Variants in SH2D4B observed in about 807,000 individuals in gnomAD.
SH2D4B encodes the protein SH2 domain containing 4B, also known as SH2 domain-containing protein 4B.
A neutral mutation model predicts 61.5 loss-of-function variants in SH2D4B; 45 were observed. That is an observed-to-expected ratio of 0.73 (90% CI 0.58 to 0.94). The LOEUF is 0.94. Among genes scored for constraint, SH2D4B ranks in the 40% least tolerant of loss-of-function variants. SH2D4B has a pLI of 0.00. For synonymous variants in SH2D4B, 224 were observed against 220.4 expected (o/e 1.02, Z -0.14); for missense variants, 572 against 574.2 (o/e 1.00, Z 0.04).
At chr10:80,622,660 G>C (rs1842728360) in intron 6 of SH2D4B, among the ~76,000 whole-genome samples, 1 of 152,190 alleles carries the variant, frequency 6.6e-6, no homozygotes, top group African/African-American at 2.4e-5. Context: ...CACTCACCCA[G>C]GGTTGGGGAG....
intron 4 of SH2D4B, among the ~76,000 whole-genome samples, chr10:80,595,343 G>A (rs11186207): frequency 0.12 from 18,047 of 152,192 alleles, 1,230 homozygotes; most frequent in East Asian, 0.25. Flanking sequence ...CTTGAAAACT[G>A]GGCTGTCTTT....
chr10:80,635,994 T>C (rs1029217088), intron 7 of SH2D4B, among the ~76,000 whole-genome samples: 1 of 152,198 alleles, frequency 6.6e-6, no homozygotes, highest in Non-Finnish European at 1.5e-5. Flanking sequence ...TTCCCTGCCC[T>C]GTGTCCAAGT....
chr10:80,624,346 T>C (rs1842749149), intron 6 of SH2D4B, among the ~76,000 whole-genome samples: 1 of 151,610 alleles, frequency 6.6e-6, no homozygotes, highest in Admixed American at 6.5e-5. Flanking sequence ...GCTCCTCCAG[T>C]TCTTCTCTGC....
At chr10:80,592,821 A>G (rs1321766541) in intron 4 of SH2D4B, among the ~76,000 whole-genome samples, 2 of 147,402 alleles carry the variant, frequency 1.4e-5, no homozygotes, top group Non-Finnish European at 3.0e-5. Context: ...TCAAATGTCT[A>G]TCCTCCCATT....
At chr10:80,554,279 G>A (rs1320630611) in intron 1 of SH2D4B, among the ~76,000 whole-genome samples, 3 of 152,192 alleles carry the variant, frequency 2.0e-5, no homozygotes, top group African/African-American at 7.2e-5. Context: ...AGCTGGTGCT[G>A]TAGGCACAGA....
rs1840370201 is a variant in SH2D4B at position 80,644,933 on chromosome 10, C to G, written c.*848C>G. On this transcript the variant is annotated 3_prime_UTR_variant, in exon 8 of 8. Coordinates refer to ENST00000646907, the MANE Select transcript of SH2D4B (RefSeq NM_001388272.1). ...TCTGTCCTCATTGTCCTTTTAATTC[C>G]CTTGTCAACTTAATCTCAGTATGTT... The G allele has an allele frequency of 6.6e-6, 1 of 152,158 alleles. No individual in the cohort carries two copies. Among genetic ancestry groups the G allele is most frequent in the African/African-American group, 2.4e-5 (1 of 41,414 alleles). The allele number at this position is 152,158 out of a possible 1,614,324, so 9.4% of individuals were successfully genotyped here.
At chr10:80,593,168 T>G (rs1458850162) in intron 4 of SH2D4B, among the ~76,000 whole-genome samples, 3 of 152,240 alleles carry the variant, frequency 2.0e-5, no homozygotes, top group Non-Finnish European at 2.9e-5. Flanking sequence ...CAGGATTATT[T>G]TGGTTATTCT....
At chr10:80,610,743 C>T (rs79132082) in intron 6 of SH2D4B, among the ~76,000 whole-genome samples, 2,331 of 152,260 alleles carry the variant, frequency 0.015, 63 homozygotes, top group African/African-American at 0.052. Context: ...GGATATACCT[C>T]GGTCACAAAT....
At chr10:80,562,534 C>T (rs1293380876) in intron 1 of SH2D4B, among the ~76,000 whole-genome samples, 1 of 152,138 alleles carries the variant, frequency 6.6e-6, no homozygotes, top group African/African-American at 2.4e-5. Context: ...TTTATAATCA[C>T]TTAGGTTGAT....
At chr10:80,570,466 C>G in intron 2 of SH2D4B, 150 bp downstream of exon 2, 3 of 922,164 alleles carry the variant, frequency 3.3e-6, no homozygotes, top group Non-Finnish European at 3.2e-6. Flanking sequence ...GTGAGCCACC[C>G]GCTTCGGCCT....
At chr10:80,597,018 G>A (rs995941200) in intron 4 of SH2D4B, among the ~76,000 whole-genome samples, 1 of 152,132 alleles carries the variant, frequency 6.6e-6, no homozygotes, top group Non-Finnish European at 1.5e-5. Flanking sequence ...ATACAGTATA[G>A]CAACTATTTA....
At chr10:80,616,419 G>GT (rs1230236227) in intron 6 of SH2D4B, among the ~76,000 whole-genome samples, 4 of 152,136 alleles carry the variant, frequency 2.6e-5, no homozygotes, top group Non-Finnish European at 4.4e-5. Flanking sequence ...TTTCCTTCAT[G>GT]TTTTTTTCAG....
intron 3 of SH2D4B, among the ~76,000 whole-genome samples, chr10:80,580,301 T>C (rs147425714): frequency 1.3e-5 from 2 of 152,326 alleles, no homozygotes; most frequent in African/African-American, 4.8e-5. Context: ...GAGTTTATGC[T>C]GACCAGGTTA....
chr10:80,550,595 A>C (rs1451713920), intron 1 of SH2D4B, among the ~76,000 whole-genome samples: 1 of 151,998 alleles, frequency 6.6e-6, no homozygotes, highest in South Asian at 2.1e-4. Flanking sequence ...TTCCGTCTCA[A>C]AAAAAAAGAG....
In SH2D4B at chr10:80,565,791, G is replaced by A. The variant is rs80070185; in HGVS notation, c.185-4363G>A. Among the ~76,000 whole-genome samples the A allele has an allele frequency of 2.4e-3, 368 of 152,114 alleles. 1 individual carries two copies. The highest frequency in any genetic ancestry group is 4.1e-3 in the Non-Finnish European group (277 of 67,980). ...ATTCCTGGCAGGAAGAAGAAGGTCG[G>A]GTAAAAGAGTGAAGAGTGGCCGGGC... On this transcript the variant is annotated intron_variant, in intron 1 of 7. Transcript: ENST00000646907.
intron 5 of SH2D4B, among the ~76,000 whole-genome samples, chr10:80,604,735 CTCTCTCCCTCCA>C (rs766222040): frequency 1.2e-4 from 18 of 151,914 alleles, no homozygotes; most frequent in Admixed American, 5.9e-4. Flanking sequence ...GGCTGACTCC[CTCTCTCCCTCCA>C]TCTACTCCAC....
chr10:80,543,095 C>T (rs540929232), intron 1 of SH2D4B, among the ~76,000 whole-genome samples: 2 of 152,254 alleles, frequency 1.3e-5, no homozygotes, highest in South Asian at 4.1e-4. Flanking sequence ...GAGGTGACAG[C>T]GTGCTGGCTG....
intron 3 of SH2D4B, among the ~76,000 whole-genome samples, chr10:80,585,142 G>C (rs1265298621): frequency 6.6e-6 from 1 of 152,162 alleles, no homozygotes; most frequent in Non-Finnish European, 1.5e-5. Context: ...GAGTGGGACA[G>C]AAATGGGAAA....
chr10:80,640,848 G>A (rs867043288), intron 7 of SH2D4B, among the ~76,000 whole-genome samples: 2 of 152,182 alleles, frequency 1.3e-5, no homozygotes, highest in Admixed American at 1.3e-4. Flanking sequence ...GAGGAGCTGC[G>A]ATCCTTTAGA....
Sources: gnomAD v4.1 joint callset for allele counts (sites outside exome capture counted in the v4.1 genomes callset) on GRCh38, gnomAD v4.1.1 for gene constraint, MANE v1.5 for transcripts, NCBI Gene and HGNC (gene_info 2026-07-23, HGNC 2026-07-21) for gene names.